Variants in PIK3AP1 observed in about 807,000 individuals in gnomAD.
The protein encoded by PIK3AP1 is phosphoinositide-3-kinase adaptor protein 1, also known as phosphoinositide 3-kinase adapter protein 1.
In PIK3AP1, 21 loss-of-function variants were observed where a neutral mutation model predicts 88.1. That is an observed-to-expected ratio of 0.24 (90% CI 0.17 to 0.34). The LOEUF (loss-of-function observed/expected upper bound fraction) is 0.34, where lower values mean the gene tolerates loss of function less well. Ranked by LOEUF, PIK3AP1 falls within the 10% of genes least tolerant of loss-of-function variation. PIK3AP1 has a pLI of 1.00. For missense variants in PIK3AP1, 828 were observed against 1,035.7 expected (o/e 0.80, Z 2.75); for synonymous variants, 398 against 400.0 (o/e 1.00, Z 0.06).
chr10:96,705,885 T>C (rs12218609), intron 2 of PIK3AP1, among the ~76,000 whole-genome samples: 2 of 73,432 alleles, frequency 2.7e-5, no homozygotes, highest in Non-Finnish European at 2.5e-5. Flanking sequence ...CAGCCAGTTG[T>C]TTTTTTTTTT....
intron 2 of PIK3AP1, among the ~76,000 whole-genome samples, chr10:96,674,063 G>T (rs1843884501): frequency 6.6e-6 from 1 of 152,186 alleles, no homozygotes; most frequent in Non-Finnish European, 1.5e-5. Flanking sequence ...GTGGAGGTGG[G>T]GGTGTGATGC....
chr10:96,717,413 A>G (rs1340941941), intron 1 of PIK3AP1, among the ~76,000 whole-genome samples: 1 of 152,170 alleles, frequency 6.6e-6, no homozygotes. Flanking sequence ...TCTGAACACC[A>G]TATTTGAAGA....
intron 8 of PIK3AP1, among the ~76,000 whole-genome samples, 165 bp downstream of exon 8, chr10:96,645,308 T>C (rs911531336): frequency 2.6e-5 from 4 of 152,182 alleles, no homozygotes; most frequent in African/African-American, 7.2e-5. Flanking sequence ...GAATTCTGCT[T>C]GTCACAGCAC....
intron 12 of PIK3AP1, among the ~76,000 whole-genome samples, chr10:96,617,837 T>G (rs1423608460): frequency 6.6e-6 from 1 of 152,140 alleles, no homozygotes; most frequent in African/African-American, 2.4e-5. Flanking sequence ...AGGGATGGTT[T>G]GTTGTTAGAC....
intron 2 of PIK3AP1, among the ~76,000 whole-genome samples, chr10:96,658,063 CAAAAAAAA>C (rs10706863): frequency 8.8e-6 from 1 of 113,942 alleles, no homozygotes; most frequent in East Asian, 2.5e-4. Context: ...AACTCCATCT[CAAAAAAAA>C]AAAAAAAAAA....
chr10:96,609,233 GT>G (rs1849061042), intron 14 of PIK3AP1, among the ~76,000 whole-genome samples: 1 of 151,964 alleles, frequency 6.6e-6, no homozygotes, highest in Admixed American at 6.6e-5. Context: ...CTTTATCATA[GT>G]TGAGGAAGCA....
At chr10:96,661,821 A>C (rs1843690865) in intron 2 of PIK3AP1, among the ~76,000 whole-genome samples, 1 of 147,390 alleles carries the variant, frequency 6.8e-6, no homozygotes, top group Admixed American at 7.1e-5. Context: ...ACAGGACAGG[A>C]CAGGACAGGA....
At chr10:96,708,574 C>CAAAAAAAAAAAAAAAAAAAA (rs924470384) in intron 2 of PIK3AP1, among the ~76,000 whole-genome samples, 3 of 12,830 alleles carry the variant, frequency 2.3e-4, no homozygotes, top group Non-Finnish European at 3.8e-4. Context: ...GGATCTGTCT[C>CAAAAAAAAAAAAAAAAAAAA]AAAAAAAAAA....
At chr10:96,712,734 G>A (rs922346923) in intron 1 of PIK3AP1, among the ~76,000 whole-genome samples, 3 of 152,350 alleles carry the variant, frequency 2.0e-5, no homozygotes, top group African/African-American at 7.2e-5. Flanking sequence ...GCATGGGCAC[G>A]AGCCATCAGG....
intron 8 of PIK3AP1, among the ~76,000 whole-genome samples, chr10:96,628,895 T>TATACACACACAC (rs1843195196): frequency 3.4e-5 from 1 of 29,420 alleles, no homozygotes; most frequent in African/African-American, 9.5e-5. Context: ...TATACATATA[T>TATACACACACAC]ATATATATAT....
chr10:96,615,243 A>C (rs10736114), intron 13 of PIK3AP1, among the ~76,000 whole-genome samples: 96,507 of 152,034 alleles, frequency 0.63, 31,282 homozygotes, highest in East Asian at 0.83. Flanking sequence ...TCAGATCACA[A>C]AGGGCCTTGT....
rs56828361 is a variant in PIK3AP1 at position 96,689,575 on chromosome 10, CAAAAAAAA to C, written c.430+19984_430+19991del. Reference sequence around the variant, plus strand: ...ACAGAGCAAGAGCAAGACTCTGTCTCAAAAAAAAAAAAAAAAAAAAAAAATCCAACCCT... The same window carrying C: ...ACAGAGCAAGAGCAAGACTCTGTCTCAAAAAAAAAAAAAAAATCCAACCCT... On this transcript the variant is annotated intron_variant, in intron 2 of 16. Transcript: ENST00000339364. Among the ~76,000 whole-genome samples, 14 of 70,460 alleles carry C rather than the reference CAAAAAAAA, an allele frequency of 2.0e-4. No homozygotes were observed. The South Asian group carries it at 4.9e-3, about 25-fold the overall frequency. 46.2% of individuals were successfully genotyped at this position (70,460 alleles called of 152,430 possible).
chr10:96,707,040 T>G (rs1250304603), intron 2 of PIK3AP1, among the ~76,000 whole-genome samples: 1 of 152,212 alleles, frequency 6.6e-6, no homozygotes, highest in East Asian at 1.9e-4. Context: ...CAGCTTATTT[T>G]AATCTCCCAT....
intron 2 of PIK3AP1, among the ~76,000 whole-genome samples, chr10:96,677,907 T>C (rs1296155339): frequency 6.6e-6 from 1 of 152,134 alleles, no homozygotes; most frequent in Non-Finnish European, 1.5e-5. Flanking sequence ...TGAATTAGAA[T>C]AGAGAAATTG....
In PIK3AP1 at chr10:96,616,619, C is replaced by T. The variant is rs1281116526; in HGVS notation, c.2014+20G>A. 2.5e-6 allele frequency: 4 copies of T among 1,612,312 alleles called. No homozygotes were observed. The highest frequency in any genetic ancestry group is 3.4e-6 in the Non-Finnish European group (4 of 1,178,506). ...GACAGCAATGTCCCACACAATGCAG[C>T]ACCCTAGGAAGCCACATACCTGTCT... On this transcript the variant is annotated intron_variant, in intron 13 of 16. Coordinates refer to ENST00000339364, the MANE Select transcript of PIK3AP1 (RefSeq NM_152309.3).
chr10:96,714,186 A>C (rs1037628095), intron 1 of PIK3AP1, among the ~76,000 whole-genome samples: 1 of 152,146 alleles, frequency 6.6e-6, no homozygotes, highest in Non-Finnish European at 1.5e-5. Context: ...AAAAAAAAAA[A>C]GACTCCAAGT....
chr10:96,623,625 C>T (rs931994260), intron 10 of PIK3AP1, 88 bp from the exon 11 acceptor site: 4 of 1,154,184 alleles, frequency 3.5e-6, no homozygotes, highest in Non-Finnish European at 3.8e-6. Context: ...CCTAGGACCA[C>T]CGTATGTGGT....
At chr10:96,636,263 T>G (rs1229388364) in intron 8 of PIK3AP1, among the ~76,000 whole-genome samples, 1 of 151,828 alleles carries the variant, frequency 6.6e-6, no homozygotes, top group Non-Finnish European at 1.5e-5. Flanking sequence ...TTAAAAAAAA[T>G]TATAAAAGAA....
intron 8 of PIK3AP1, among the ~76,000 whole-genome samples, chr10:96,641,157 T>G (rs1843384056): frequency 6.6e-6 from 1 of 150,540 alleles, no homozygotes; most frequent in Non-Finnish European, 1.5e-5. Context: ...GCAAGCAAGT[T>G]CAGGGGAAGA....
Sources: gnomAD v4.1 joint callset for allele counts (sites outside exome capture counted in the v4.1 genomes callset) on GRCh38, gnomAD v4.1.1 for gene constraint, MANE v1.5 for transcripts, NCBI Gene and HGNC (gene_info 2026-07-23, HGNC 2026-07-21) for gene names.